Variants in ODR4 observed in about 807,000 individuals in gnomAD.
The protein encoded by ODR4 is odr-4 GPCR localization factor homolog.
In ODR4, 47 loss-of-function variants were observed where a neutral mutation model predicts 60.2. The ratio of observed to expected loss-of-function variants is 0.78; its 90% CI spans 0.62 to 1.00. ODR4 has a LOEUF of 1.00. Among genes scored for constraint, ODR4 ranks in the 50% least tolerant of loss-of-function variants. ODR4 has a pLI of 0.00. For missense variants in ODR4, 488 were observed against 530.8 expected, an observed-to-expected ratio of 0.92 and a Z score of 0.79; for synonymous variants, 178 against 175.5, an observed-to-expected ratio of 1.01 and a Z score of -0.11.
rs1265970287 is a variant in ODR4, at chr1:186,410,366, A to G, written c.1186+4098A>G. On this transcript the variant is annotated intron_variant, in intron 12 of 13. Coordinates refer to ENST00000287859, the MANE Select transcript of ODR4 (RefSeq NM_017847.6). ...GAAATTATGTCTTTTATATGAAAAT[A>G]TGTAGCACTAGTTGTTGCCCCAGAA... Among the ~76,000 whole-genome samples, 3 of 152,218 alleles carry G rather than the reference A, an allele frequency of 2.0e-5. No homozygotes were observed. The East Asian group carries it at 5.8e-4, about 29-fold the overall frequency.
At chr1:186,408,970 CTG>C (rs1370577918) in intron 12 of ODR4, among the ~76,000 whole-genome samples, 4 of 151,708 alleles carry the variant, frequency 2.6e-5, no homozygotes, top group Admixed American at 2.0e-4. Context: ...TAGTTTAAGA[CTG>C]TTTTATTCAG....
chr1:186,417,523 A>G (rs370186396), intron 12 of ODR4, 21 bp from the exon 13 acceptor site: 1 of 1,280,580 alleles, frequency 7.8e-7, no homozygotes, highest in South Asian at 1.3e-5. Flanking sequence ...TGTGGAATTT[A>G]TTATTATTAT....
chr1:186,377,058 T>TTC (rs576097579), intron 1 of ODR4, among the ~76,000 whole-genome samples: 60 of 152,312 alleles, frequency 3.9e-4, no homozygotes, highest in Admixed American at 2.9e-3. Context: ...ACCCCATGGA[T>TTC]ATGAAATCCA....
the ODR4 span, among the ~76,000 whole-genome samples, chr1:186,430,028 G>T: frequency 1.2e-4 from 19 of 152,140 alleles, no homozygotes; most frequent in East Asian, 2.9e-3. Context: ...CATTTTGAAA[G>T]TGTTTCAGTT....
At chr1:186,406,356 GA>G (rs1215089848) in intron 12 of ODR4, 88 bp downstream of exon 12, 1 of 1,028,430 alleles carries the variant, frequency 9.7e-7, no homozygotes, top group Non-Finnish European at 1.4e-6. Context: ...CATGTCTTTA[GA>G]TTTTTTTTAA....
At chr1:186,403,564 G>A (rs1040917662) in intron 11 of ODR4, among the ~76,000 whole-genome samples, 2 of 151,694 alleles carry the variant, frequency 1.3e-5, no homozygotes, top group Non-Finnish European at 2.9e-5. Flanking sequence ...GCATGAGGAA[G>A]TCTGTTAAGG....
intron 2 of ODR4, 108 bp downstream of exon 2, chr1:186,379,992 A>G: frequency 1.7e-6 from 1 of 600,666 alleles, no homozygotes; most frequent in Admixed American, 3.6e-5. Flanking sequence ...AATAAACTCA[A>G]GATTGGGGGA....
chr1:186,421,879 A>AAAAAG (rs59883604), downstream of ODR4, among the ~76,000 whole-genome samples: 1,324 of 135,086 alleles, frequency 9.8e-3, 64 homozygotes, highest in African/African-American at 0.02. Flanking sequence ...AAAAAAAAAA[A>AAAAAG]ATGATGAATC....
intron 7 of ODR4, 120 bp from the exon 8 acceptor site, chr1:186,391,575 GC>G: frequency 1.5e-6 from 1 of 676,762 alleles, no homozygotes; most frequent in Non-Finnish European, 2.6e-6. Context: ...TTTAAATGCT[GC>G]AGTAATGAGA....
At chr1:186,393,823 A>T (rs1237544742) in intron 8 of ODR4, 124 bp from the exon 9 acceptor site, 1 of 624,898 alleles carries the variant, frequency 1.6e-6, no homozygotes, top group Non-Finnish European at 2.8e-6. Flanking sequence ...TAAAAAGCTA[A>T]ATTAAAATAA....
Position 186,419,197 on chromosome 1 carries a change from C to A in ODR4, c.*121C>A. 1 of 854,184 alleles carries A rather than the reference C, an allele frequency of 1.2e-6. No homozygotes were observed. The highest frequency in any genetic ancestry group is 1.5e-5 in the South Asian group (1 of 65,740). The allele number at this position is 854,184 out of a possible 1,614,324, so 52.9% of individuals were successfully genotyped here. ...AGCAGCCAGATCTGCTGCCATGATGCCTATTTGGTGTGTTTCTGATTAAAA... is the reference window on the plus strand; with the variant it reads ...AGCAGCCAGATCTGCTGCCATGATGACTATTTGGTGTGTTTCTGATTAAAA... On this transcript the variant is annotated 3_prime_UTR_variant, in exon 14 of 14. Coordinates refer to ENST00000287859, the MANE Select transcript of ODR4 (RefSeq NM_017847.6).
chr1:186,427,234 A>C, the ODR4 span, among the ~76,000 whole-genome samples: 1 of 152,244 alleles, frequency 6.6e-6, no homozygotes, highest in Admixed American at 6.5e-5. Context: ...GCCATTTGAT[A>C]GCATTTTACC....
chr1:186,427,081 T>G, the ODR4 span, among the ~76,000 whole-genome samples: 1 of 152,238 alleles, frequency 6.6e-6, no homozygotes, highest in African/African-American at 2.4e-5. Flanking sequence ...GGAAGGTTTT[T>G]GTCTTGATGT....
chr1:186,417,623 TA>T lies in ODR4; in HGVS notation c.1267del (p.Thr423GlnfsTer4). On this transcript the variant is annotated frameshift_variant, in exon 13 of 14. Coordinates refer to ENST00000287859, the MANE Select transcript of ODR4 (RefSeq NM_017847.6). LOFTEE classifies it high-confidence loss of function. ...AACAACCAAAACAACCAATTAAAAC[TA>T]CAATGTTATTGAAAATTCAGCAAAA... ...DEQPKQPIKT[T>X]MLLKIQQNIG... 6.3e-7 allele frequency: 1 copy of T among 1,595,846 alleles called. No individual in the cohort carries two copies. Among genetic ancestry groups the T allele is most frequent in the Non-Finnish European group, 8.6e-7 (1 of 1,168,722 alleles).
At chr1:186,379,034 T>G (rs1659911090) in intron 1 of ODR4, among the ~76,000 whole-genome samples, 1 of 152,236 alleles carries the variant, frequency 6.6e-6, no homozygotes, top group Non-Finnish European at 1.5e-5. Flanking sequence ...AATTTGACTC[T>G]ACCTCCTAAT....
chr1:186,393,409 T>C (rs541999749), intron 8 of ODR4, among the ~76,000 whole-genome samples: 2 of 152,376 alleles, frequency 1.3e-5, no homozygotes, highest in Admixed American at 1.3e-4. Context: ...AGGCCACATG[T>C]TGTTCTGCCC....
chr1:186,401,257 C>G, intron 11 of ODR4: 1 of 1,296,258 alleles, frequency 7.7e-7, no homozygotes, highest in Admixed American at 2.5e-5. Flanking sequence ...AAACTTGATA[C>G]ATTTAGAAGT....
At chr1:186,379,201 T>C (rs1460273328) in intron 1 of ODR4, among the ~76,000 whole-genome samples, 1 of 151,844 alleles carries the variant, frequency 6.6e-6, no homozygotes, top group Non-Finnish European at 1.5e-5. Flanking sequence ...CCCAGCACTT[T>C]GGAGGCCGAG....
At chr1:186,385,924 T>C (rs1660232489) in intron 3 of ODR4, 64 bp from the exon 4 acceptor site, 1 of 1,002,164 alleles carries the variant, frequency 1.0e-6, no homozygotes. Flanking sequence ...GCAGACAGTT[T>C]CTCAAACAGA....
Sources: gnomAD v4.1 joint callset for allele counts (sites outside exome capture counted in the v4.1 genomes callset) on GRCh38, gnomAD v4.1.1 for gene constraint, MANE v1.5 for transcripts, NCBI Gene and HGNC (gene_info 2026-07-23, HGNC 2026-07-21) for gene names.